Variants in TMEM231 observed in about 807,000 individuals in gnomAD.
TMEM231 encodes the protein transmembrane protein 231.
TMEM231 carries 40 observed loss-of-function variants against 38.5 expected under a neutral mutation model. The ratio of observed to expected loss-of-function variants is 1.04; its 90% confidence interval spans 0.81 to 1.35. The LOEUF (loss-of-function observed/expected upper bound fraction) is 1.35. Among genes scored for constraint, TMEM231 ranks in the 40% most tolerant of loss-of-function variants. TMEM231 has a pLI of 0.00. For missense variants in TMEM231, 420 were observed against 416.9 expected, an observed-to-expected ratio of 1.01 and a Z score of -0.07; for synonymous variants, 199 against 181.7, an observed-to-expected ratio of 1.10 and a Z score of -0.77.
In TMEM231 at chr16:75,545,369, G is replaced by A; in HGVS notation, c.565C>T (p.Leu189=). 4.3e-6 allele frequency: 7 copies of A among 1,612,624 alleles called. No individual in the cohort carries two copies. Among genetic ancestry groups the A allele is most frequent in the Non-Finnish European group, 5.9e-6 (7 of 1,179,166 alleles). ...GCTCTTACGTTGTATCGGGCATCTAGGCCACCACAGCTCAGCGGCTGCTTC... is the reference window on the plus strand; with the variant it reads ...GCTCTTACGTTGTATCGGGCATCTAAGCCACCACAGCTCAGCGGCTGCTTC... ...QQKQPLSCGG[L]DARYNISVIN... Residue 189 remains leucine, a synonymous_variant, in exon 4 of 7, where the codon CTA becomes TTA. Coordinates refer to ENST00000258173, the MANE Select transcript of TMEM231 (RefSeq NM_001077418.3).
intron 2 of TMEM231, among the ~76,000 whole-genome samples, chr16:75,549,137 A>C (rs1487907651): frequency 6.6e-6 from 1 of 152,200 alleles, no homozygotes; most frequent in Non-Finnish European, 1.5e-5. Context: ...ACCTGTCACC[A>C]AGCTGGACTC....
At position 75,537,381 on chromosome 16, in the gene TMEM231, A is replaced by G. The variant is rs2151695011; in HGVS notation, c.*2613T>C. The G allele has an allele frequency of 6.6e-6, 1 of 152,186 alleles. No individual in the cohort carries two copies. Among genetic ancestry groups the G allele is most frequent in the South Asian group, 2.1e-4 (1 of 4,830 alleles). 9.4% of individuals were successfully genotyped at this position (152,186 alleles called of 1,614,324 possible). A position where few individuals can be genotyped will look rare whatever the true frequency, so the allele number is the denominator to read the frequency against. On this transcript the variant is annotated 3_prime_UTR_variant, in exon 7 of 7. Coordinates refer to ENST00000258173, the MANE Select transcript of TMEM231 (RefSeq NM_001077418.3). ...TCTGACTTAAGCCGAAACTGTACTAATCATTTGGCAAAATCAGGAGTCTTT... is the reference window on the plus strand; with the variant it reads ...TCTGACTTAAGCCGAAACTGTACTAGTCATTTGGCAAAATCAGGAGTCTTT...
intron 2 of TMEM231, among the ~76,000 whole-genome samples, chr16:75,551,444 A>G (rs1353762341): frequency 2.6e-5 from 4 of 152,270 alleles, no homozygotes; most frequent in South Asian, 2.1e-4. Flanking sequence ...CTAGCCTCCC[A>G]AAGTGCTGAG....
rs1221809023 is a variant in TMEM231, at chr16:75,538,748, T to C, written c.*1246A>G. Reference sequence around the variant, plus strand: ...GACCTGCTTGGGATCAGGAAGCAGCTCCATGTGTTCTTGGAGGAGACTGCC... The same window carrying C: ...GACCTGCTTGGGATCAGGAAGCAGCCCCATGTGTTCTTGGAGGAGACTGCC... On this transcript the variant is annotated 3_prime_UTR_variant, in exon 7 of 7. Coordinates refer to ENST00000258173, the MANE Select transcript of TMEM231 (RefSeq NM_001077418.3). The C allele has an allele frequency of 2.0e-5, 3 of 152,148 alleles. No individual in the cohort carries two copies. Among genetic ancestry groups the C allele is most frequent in the Non-Finnish European group, 2.9e-5 (2 of 68,038 alleles). 9.4% of individuals were successfully genotyped at this position (152,148 alleles called of 1,614,324 possible).
intron 6 of TMEM231, among the ~76,000 whole-genome samples, chr16:75,540,935 A>G (rs767387401): frequency 1.3e-5 from 2 of 152,082 alleles, no homozygotes; most frequent in Middle Eastern, 3.4e-3. Context: ...CCAAGAGAAA[A>G]CCTCCCACGT....
intron 2 of TMEM231, among the ~76,000 whole-genome samples, chr16:75,547,806 G>A (rs1346237123): frequency 6.6e-6 from 1 of 152,124 alleles, no homozygotes; most frequent in Non-Finnish European, 1.5e-5. Context: ...ATAAATAAAA[G>A]AGCCTGCCTT....
In TMEM231 at chr16:75,539,794, C is replaced by T; in HGVS notation, c.*200G>A. On this transcript the variant is annotated 3_prime_UTR_variant, in exon 7 of 7. Coordinates refer to ENST00000258173, the MANE Select transcript of TMEM231 (RefSeq NM_001077418.3). ...CTCCAGGAACTCTCAGACCTTTCCA[C>T]AAACTAGTCCCTGACAATTCTGCAG... The T allele has an allele frequency of 2.2e-6, 1 of 445,482 alleles. No individual in the cohort carries two copies. Among genetic ancestry groups the T allele is most frequent in the Non-Finnish European group, 3.9e-6 (1 of 255,934 alleles). The allele number at this position is 445,482 out of a possible 1,614,324, so 27.6% of individuals were successfully genotyped here.
chr16:75,544,713 C>T (rs988897959), intron 4 of TMEM231, among the ~76,000 whole-genome samples: 1 of 152,124 alleles, frequency 6.6e-6, no homozygotes, highest in South Asian at 2.1e-4. Flanking sequence ...GTACATCCTG[C>T]GTGTGACCAA....
chr16:75,540,504 C>A (rs1227911496), intron 6 of TMEM231, among the ~76,000 whole-genome samples: 1 of 152,222 alleles, frequency 6.6e-6, no homozygotes, highest in Non-Finnish European at 1.5e-5. Flanking sequence ...ACACCCTTAG[C>A]CCCTGCCTAA....
At chr16:75,552,795 T>C (rs1048411507) in intron 2 of TMEM231, among the ~76,000 whole-genome samples, 1 of 152,134 alleles carries the variant, frequency 6.6e-6, no homozygotes, top group African/African-American at 2.4e-5. Flanking sequence ...CAACAGTTGA[T>C]AACCACAGAC....
chr16:75,545,240 A>G (rs1043166461), intron 4 of TMEM231, 112 bp downstream of exon 4: 138 of 1,438,534 alleles, frequency 9.6e-5, no homozygotes, highest in Non-Finnish European at 9.3e-5. Context: ...GATTACAGGT[A>G]TGAGCCACTG....
At chr16:75,554,250 G>T (rs1040920114) in intron 2 of TMEM231, among the ~76,000 whole-genome samples, 2 of 152,118 alleles carry the variant, frequency 1.3e-5, no homozygotes, top group African/African-American at 4.8e-5. Context: ...ATAAGATTTA[G>T]TCAAAACCTT....
rs756011907 is a variant in TMEM231, at chr16:75,541,340, G to T, written c.770+10C>A. 1.3e-6 allele frequency: 2 copies of T among 1,594,552 alleles called. No individual in the cohort carries two copies. The highest frequency in any genetic ancestry group is 1.7e-6 in the Non-Finnish European group (2 of 1,166,244). ...CAGCCTTAACATGGACTCTTTAACA[G>T]AAAGGATATGAAATGACTTCCACAG... On this transcript the variant is annotated intron_variant, in intron 6 of 6. Coordinates refer to ENST00000258173, the MANE Select transcript of TMEM231 (RefSeq NM_001077418.3).
At chr16:75,543,782 G>C (rs908296486) in intron 4 of TMEM231, among the ~76,000 whole-genome samples, 5 of 152,146 alleles carry the variant, frequency 3.3e-5, no homozygotes, top group African/African-American at 7.2e-5. Context: ...CTGATATATA[G>C]ACATTCAAAC....
At position 75,555,813 on chromosome 16, in the gene TMEM231, C is replaced by A. The variant is rs1484975599; in HGVS notation, c.300G>T (p.Pro100=). The A allele has an allele frequency of 6.5e-7, 1 of 1,542,608 alleles. No individual in the cohort carries two copies. Among genetic ancestry groups the A allele is most frequent in the Non-Finnish European group, 8.8e-7 (1 of 1,142,732 alleles). Residue 100 remains proline (P), a synonymous_variant, in exon 2 of 7, where the codon CCG becomes CCT. Coordinates refer to ENST00000258173, the MANE Select transcript of TMEM231 (RefSeq NM_001077418.3). ...GGCGGGAACCACGCACCGAAACGAG[C>A]GGGACGCGCAGGCGATCCCCTTGCA... ...NRLQGDRLRV[P]LVSTREEDRN...
chr16:75,553,618 T>C (rs1017153481), intron 2 of TMEM231, among the ~76,000 whole-genome samples: 1 of 130,324 alleles, frequency 7.7e-6, no homozygotes, highest in East Asian at 2.2e-4. Context: ...TGAAACTCTG[T>C]TGCAAAAAAA....
intron 4 of TMEM231, 143 bp downstream of exon 4, chr16:75,545,209 C>A: frequency 3.3e-6 from 4 of 1,209,672 alleles, no homozygotes; most frequent in Non-Finnish European, 4.6e-6. Flanking sequence ...ATCCGCACAT[C>A]TCCGCCTCCC....
intron 4 of TMEM231, among the ~76,000 whole-genome samples, chr16:75,544,949 C>CTTCTTTTTTTTTTTT (rs2080666559): frequency 1.1e-5 from 1 of 89,620 alleles, no homozygotes; most frequent in Non-Finnish European, 2.4e-5. Flanking sequence ...TTTTCTTTTT[C>CTTCTTTTTTTTTTTT]TTTTTTTTTT....
At chr16:75,551,199 T>A (rs957660753) in intron 2 of TMEM231, among the ~76,000 whole-genome samples, 3 of 150,632 alleles carry the variant, frequency 2.0e-5, no homozygotes, top group African/African-American at 7.3e-5. Context: ...CCTGTATTTC[T>A]TTTTTTTTCT....
Sources: gnomAD v4.1 joint callset for allele counts (sites outside exome capture counted in the v4.1 genomes callset) on GRCh38, gnomAD v4.1.1 for gene constraint, MANE v1.5 for transcripts, NCBI Gene and HGNC (gene_info 2026-07-23, HGNC 2026-07-21) for gene names.